DIPK2A: variants seen among roughly 807,000 people sequenced by gnomAD.
DIPK2A encodes Golgi Protein of 49 kDa.
Under a neutral mutation model 39.0 loss-of-function variants are expected in DIPK2A, and 27 were observed. The ratio of observed to expected loss-of-function variants is 0.69; its 90% CI spans 0.51 to 0.96. DIPK2A has a LOEUF of 0.96. Ranked by LOEUF, DIPK2A falls within the 40% of genes least tolerant of loss-of-function variation. DIPK2A has a pLI of 0.00. For missense variants in DIPK2A, 528 were observed against 571.3 expected (o/e 0.92, Z 0.77); for synonymous variants, 298 against 240.8 (o/e 1.24, Z -2.20).
chr3:143,974,212 T>G (rs2087698999), intron 1 of DIPK2A, among the ~76,000 whole-genome samples: 1 of 152,128 alleles, frequency 6.6e-6, no homozygotes, highest in African/African-American at 2.4e-5. Context: ...CACTGCCCAT[T>G]TTAGCTTTAA....
intron 2 of DIPK2A, chr3:143,986,106 T>G (rs1043649878): frequency 9.4e-6 from 4 of 423,572 alleles, no homozygotes; most frequent in African/African-American, 2.0e-5. Flanking sequence ...AGCTTAGTCT[T>G]GCCTACCTTA....
chr3:143,985,118 A>G (rs915015059), intron 1 of DIPK2A, among the ~76,000 whole-genome samples: 4 of 152,260 alleles, frequency 2.6e-5, no homozygotes, highest in African/African-American at 9.6e-5. Flanking sequence ...CCACCGTAAC[A>G]CAGTGCCTGT....
Position 143,989,882 on chromosome 3 carries a change from C to A in DIPK2A, c.*41C>A. 6.9e-7 allele frequency: 1 copy of A among 1,457,048 alleles called. No homozygotes were observed. Among genetic ancestry groups the A allele is most frequent in the Non-Finnish European group, 9.4e-7 (1 of 1,063,014 alleles). 90.3% of individuals were successfully genotyped at this position (1,457,048 alleles called of 1,614,324 possible). ...TCTTTTTTTCTCCATTTAAACAGCA[C>A]TGGCTAAAACTAAACCACCAAAAAA... On this transcript the variant is annotated 3_prime_UTR_variant, in exon 3 of 3. Coordinates refer to ENST00000315691, the MANE Select transcript of DIPK2A (RefSeq NM_173552.5).
intron 1 of DIPK2A, among the ~76,000 whole-genome samples, chr3:143,983,807 G>A (rs1174151390): frequency 6.6e-6 from 1 of 152,064 alleles, no homozygotes; most frequent in African/African-American, 2.4e-5. Flanking sequence ...CAGACCACTA[G>A]CAATACAAAC....
In DIPK2A at chr3:143,991,110, A is replaced by T. The variant is rs887215330; in HGVS notation, c.*1269A>T. On this transcript the variant is annotated 3_prime_UTR_variant, in exon 3 of 3. Coordinates refer to ENST00000315691, the MANE Select transcript of DIPK2A (RefSeq NM_173552.5). Reference sequence around the variant, plus strand: ...ACATCAAATTTAATTATTTGCATAGAAATGTGTGGGCTCTTTATATAAGTT... The same window carrying T: ...ACATCAAATTTAATTATTTGCATAGTAATGTGTGGGCTCTTTATATAAGTT... The T allele has an allele frequency of 2.9e-5, 3 of 102,896 alleles. No individual in the cohort carries two copies. The highest frequency in any genetic ancestry group is 1.5e-4 in the African/African-American group (3 of 19,608). 6.4% of individuals were successfully genotyped at this position (102,896 alleles called of 1,614,324 possible). A position where few individuals can be genotyped will look rare whatever the true frequency, so the allele number is the denominator to read the frequency against.
chr3:143,992,190 C>T lies in DIPK2A; in HGVS notation c.*2349C>T, dbSNP rs528147904. On this transcript the variant is annotated 3_prime_UTR_variant, in exon 3 of 3. Transcript: ENST00000315691. ...TTTTTAATCATTGCCCATTAATAGACGCAGTAAAATATTTTTGAATCAGAC... is the reference window on the plus strand; with the variant it reads ...TTTTTAATCATTGCCCATTAATAGATGCAGTAAAATATTTTTGAATCAGAC... 8 of 152,622 alleles carry T rather than the reference C, an allele frequency of 5.2e-5. No individual in the cohort carries two copies. Among genetic ancestry groups the T allele is most frequent in the South Asian group, 2.1e-4 (1 of 4,830 alleles). 9.5% of individuals were successfully genotyped at this position (152,622 alleles called of 1,614,324 possible).
Position 143,985,866 on chromosome 3 carries a change from T to A in DIPK2A, c.961+20T>A. 6.4e-7 allele frequency: 1 copy of A among 1,558,038 alleles called. No homozygotes were observed. Among genetic ancestry groups the A allele is most frequent in the Non-Finnish European group, 8.7e-7 (1 of 1,149,352 alleles). ...GACAAAGTAAGTATATAATTTTAGA[T>A]TTTTTTCTACTCATTTTTTCCTATG... is the stretch of plus-strand genomic sequence containing the variant. On this transcript the variant is annotated intron_variant, in intron 2 of 2. Coordinates refer to ENST00000315691, the MANE Select transcript of DIPK2A (RefSeq NM_173552.5).
chr3:143,973,855 G>T (rs2087692855), intron 1 of DIPK2A: 2 of 492,930 alleles, frequency 4.1e-6, no homozygotes, highest in Non-Finnish European at 7.3e-6. Flanking sequence ...ATCTTTACTG[G>T]TGACATCAAA....
rs1559851952 is a variant in DIPK2A, at chr3:143,972,838, A to C, written c.506A>C (p.His169Pro). 6.4e-7 allele frequency: 1 copy of C among 1,567,006 alleles called. No individual in the cohort carries two copies. Among genetic ancestry groups the C allele is most frequent in the Non-Finnish European group, 8.6e-7 (1 of 1,159,334 alleles). The change falls in exon 1 of 3, where the codon CAC becomes CCC. Residue 169 changes from histidine to proline, a missense_variant. By Grantham distance (77) the His-to-Pro change is moderately conservative (BLOSUM62 -2). Around this residue, in one of 2 missense-constraint regions of DIPK2A, gnomAD observed 309 missense variants for 289.8 expected, o/e 1.07. Transcript: ENST00000315691. The stretch of plus-strand genomic sequence containing the variant: ...GTGGAGGGCTGGTCGGACCTGGTGC[A>C]CTGCCCCTCGCAGCGCCTTCTCGAC... ...EAVEGWSDLV[H>P]CPSQRLLDRL...
intron 1 of DIPK2A, among the ~76,000 whole-genome samples, chr3:143,984,508 G>T (rs2087871045): frequency 6.6e-6 from 1 of 151,544 alleles, no homozygotes; most frequent in African/African-American, 2.4e-5. Context: ...CTGAGGAGAG[G>T]CCTCCCTGTT....
intron 1 of DIPK2A, chr3:143,978,648 A>AGATATATATATATC (rs1559854216): frequency 8.7e-4 from 43 of 49,338 alleles, no homozygotes; most frequent in Non-Finnish European, 1.3e-3. Flanking sequence ...ATCTATATAT[A>AGATATATATATATC]TATATATATA....
chr3:143,972,692 G>C lies in DIPK2A; in HGVS notation c.360G>C (p.Gln120His). 1 of 1,607,098 alleles carries C rather than the reference G, an allele frequency of 6.2e-7. No individual in the cohort carries two copies. Among genetic ancestry groups the C allele is most frequent in the Non-Finnish European group, 8.5e-7 (1 of 1,177,668 alleles). Residue 120 changes from glutamine (Q) to histidine (H), a missense_variant, in exon 1 of 3, where the codon CAG (glutamine) becomes CAC (histidine). Physicochemically the swap from Gln to His is conservative, Grantham distance 24. This residue lies in a region of DIPK2A where 309 missense variants were observed against 289.8 expected (regional missense o/e 1.07). Coordinates refer to ENST00000315691, the MANE Select transcript of DIPK2A (RefSeq NM_173552.5). ...TCGGCTCGCAGCGCGAGCTGGCGCA[G>C]CTCGACCAGAGCATCTGCAAGCGGG... Reference protein sequence around the residue: ...KRLGSQRELAQLDQSICKRAT... With the variant: ...KRLGSQRELAHLDQSICKRAT...
intron 2 of DIPK2A, among the ~76,000 whole-genome samples, chr3:143,988,238 A>G (rs1428548439): frequency 6.6e-6 from 1 of 151,956 alleles, no homozygotes; most frequent in Non-Finnish European, 1.5e-5. Context: ...AGCTGGGACT[A>G]CAGGCACATA....
At chr3:143,989,013 C>T (rs915820262) in intron 2 of DIPK2A, among the ~76,000 whole-genome samples, 2 of 152,218 alleles carry the variant, frequency 1.3e-5, no homozygotes, top group Non-Finnish European at 2.9e-5. Context: ...GTTTCTCACA[C>T]TCTAGCCACA....
At position 143,972,312 on chromosome 3, in the gene DIPK2A, C is replaced by T. The variant is rs1425536653; in HGVS notation, c.-21C>T. On this transcript the variant is annotated 5_prime_UTR_variant, in exon 1 of 3. Coordinates refer to ENST00000315691, the MANE Select transcript of DIPK2A (RefSeq NM_173552.5). ...CGCCCCGGGGGTGCCCTCGCCCTCC[C>T]GTTGCGGGCGGGCGGGCGGTATGTG... 2.2e-6 allele frequency: 3 copies of T among 1,350,456 alleles called. No individual in the cohort carries two copies. The African/African-American group carries it at 4.6e-5, about 21-fold the overall frequency. 83.7% of individuals were successfully genotyped at this position (1,350,456 alleles called of 1,614,324 possible).
chr3:143,981,322 C>CAAA (rs2087825980), intron 1 of DIPK2A, among the ~76,000 whole-genome samples: 1 of 152,202 alleles, frequency 6.6e-6, no homozygotes, highest in Admixed American at 6.5e-5. Context: ...TTGAAGATTT[C>CAAA]TGTTTGATTC....
At chr3:143,979,619 GT>G (rs1358462329) in intron 1 of DIPK2A, among the ~76,000 whole-genome samples, 8 of 152,194 alleles carry the variant, frequency 5.3e-5, no homozygotes, top group Non-Finnish European at 8.8e-5. Context: ...CTGGGACACA[GT>G]AAGGGTCAGT....
chr3:143,973,075 G>C, intron 1 of DIPK2A, 86 bp downstream of exon 1: 1 of 1,477,072 alleles, frequency 6.8e-7, no homozygotes, highest in African/African-American at 1.4e-5. Flanking sequence ...GCCAGCGCTT[G>C]CCGCCAGTTC....
intron 1 of DIPK2A, among the ~76,000 whole-genome samples, chr3:143,983,282 C>G (rs2107845244): frequency 6.6e-6 from 1 of 152,290 alleles, no homozygotes; most frequent in East Asian, 1.9e-4. Context: ...TTCTTCTCAG[C>G]ATCATATTGC....
Sources: gnomAD v4.1 joint callset for allele counts (sites outside exome capture counted in the v4.1 genomes callset) on GRCh38, gnomAD v4.1.1 for gene constraint, gnomAD v4.1.1 regional missense constraint, MANE v1.5 for transcripts, NCBI Gene and HGNC (gene_info 2026-07-23, HGNC 2026-07-21) for gene names.